Variants in MYO7B observed in about 807,000 individuals in gnomAD.
MYO7B encodes myosin VIIB.
Under a neutral mutation model 259.7 loss-of-function variants are expected in MYO7B, and 212 were observed. The ratio of observed to expected loss-of-function variants is 0.82; its 90% CI spans 0.73 to 0.91. The LOEUF (loss-of-function observed/expected upper bound fraction) is 0.91, where lower values mean the gene tolerates loss of function less well. MYO7B is among the 40% of genes least tolerant of loss of function. MYO7B has a pLI of 0.00. For missense variants in MYO7B, 2,732 were observed against 2,813.5 expected, an observed-to-expected ratio of 0.97 and a Z score of 0.66; for synonymous variants, 1,197 against 1,166.4, an observed-to-expected ratio of 1.03 and a Z score of -0.54.
At chr2:127,573,731 C>T (rs183207545) in intron 6 of MYO7B, among the ~76,000 whole-genome samples, 189 bp from the exon 7 acceptor site, 3 of 152,330 alleles carry the variant, frequency 2.0e-5, no homozygotes, top group East Asian at 3.9e-4. Context: ...TTCTGACCTC[C>T]GAGGTTTTCC....
Position 127,627,566 on chromosome 2 carries a change from C to T in MYO7B, c.4460+256C>T, listed in dbSNP as rs914060059. ...GCTTCTCTTTGAAACCCAGGTCCAC[C>T]CGGAAGGGGCAGGGAAGCGTGCAGC... On this transcript the variant is annotated intron_variant, in intron 33 of 47. Coordinates refer to ENST00000409816, the MANE Select transcript of MYO7B (RefSeq NM_001393586.1). The surrounding 1 kb of genome is among the most constrained non-coding windows in gnomAD (Gnocchi z 5.6). 2.8e-5 allele frequency: 17 copies of T among 606,226 alleles called. No individual in the cohort carries two copies. The highest frequency in any genetic ancestry group is 4.9e-5 in the Non-Finnish European group (16 of 325,744). 37.6% of individuals were successfully genotyped at this position (606,226 alleles called of 1,614,324 possible).
At chr2:127,634,325 A>G (rs1311839578) in intron 41 of MYO7B, 36 bp downstream of exon 41, 2 of 1,470,324 alleles carry the variant, frequency 1.4e-6, no homozygotes, top group African/African-American at 1.4e-5. Flanking sequence ...CGGTGGGCGG[A>G]CGGGCAGTGA....
chr2:127,555,552 T>C (rs1693605431), intron 1 of MYO7B, among the ~76,000 whole-genome samples: 1 of 152,222 alleles, frequency 6.6e-6, no homozygotes, highest in Admixed American at 6.5e-5. Context: ...ACTTTCCTCT[T>C]AGCATTGCCT....
Position 127,636,744 on chromosome 2 carries a change from A to C in MYO7B, c.6208-50A>C. ...CTCTCTCCTGTCCCCTAACACACAC[A>C]GAGCCCGTGCTCTGGAGGCGTCCGG... On this transcript the variant is annotated intron_variant, in intron 46 of 47. Transcript: ENST00000409816. This position sits in a 1 kb window ranked among gnomAD's most constrained non-coding sequence, Gnocchi z 4.5. 1.2e-6 allele frequency: 2 copies of C among 1,612,084 alleles called. No homozygotes were observed. Among genetic ancestry groups the C allele is most frequent in the Non-Finnish European group, 1.7e-6 (2 of 1,179,140 alleles).
Position 127,608,859 on chromosome 2 carries a change from A to G in MYO7B, c.2795A>G (p.Gln932Arg), listed in dbSNP as rs1680264616. Reference protein sequence around the residue: ...LPAMIGGQEGQASPHFEDLES... With the variant: ...LPAMIGGQEGRASPHFEDLES... ...GCCATGATTGGGGGCCAGGAGGGCC[A>G]GGCCTCGCCGCACTTTGAGGTAACA... is the stretch of plus-strand genomic sequence containing the variant. The change falls in exon 22 of 48, where the codon CAG (glutamine) becomes CGG (arginine). Residue 932 changes from glutamine (Q) to arginine (R), a missense_variant. Physicochemically the swap from Gln to Arg is conservative, Grantham distance 43 (BLOSUM62 1). Around this residue, in one of 3 missense-constraint regions of MYO7B, gnomAD observed 1,906 missense variants for 2,026.4 expected, o/e 0.94. Transcript: ENST00000409816. 3 of 1,612,532 alleles carry G rather than the reference A, an allele frequency of 1.9e-6. No homozygotes were observed. The highest frequency in any genetic ancestry group is 2.7e-5 in the African/African-American group (2 of 74,830).
Position 127,588,560 on chromosome 2 carries a change from G to A in MYO7B, c.1854+5G>A. Reference sequence around the variant, plus strand: ...GCAGGAAACCATCTCTTCAAGGTGGGCTCCCAGGCACCCTCCTGGGTCTGT... The same window carrying A: ...GCAGGAAACCATCTCTTCAAGGTGGACTCCCAGGCACCCTCCTGGGTCTGT... On this transcript the variant is annotated splice_donor_5th_base_variant and intron_variant, in intron 15 of 47. Transcript: ENST00000409816. The A allele has an allele frequency of 6.2e-7, 1 of 1,612,832 alleles. No homozygotes were observed. Among genetic ancestry groups the A allele is most frequent in the Non-Finnish European group, 8.5e-7 (1 of 1,179,806 alleles).
intron 19 of MYO7B, among the ~76,000 whole-genome samples, chr2:127,598,656 G>A (rs573258971): frequency 1.1e-4 from 16 of 152,208 alleles, no homozygotes; most frequent in African/African-American, 2.9e-4. Flanking sequence ...AACTCTTTTC[G>A]TCAAGATTTT....
In MYO7B at chr2:127,635,148, G is replaced by A. The variant is rs201036915; in HGVS notation, c.5742G>A (p.Val1914=). Residue 1914 remains valine, a synonymous_variant, in exon 43 of 48, where the codon GTG becomes GTA. Transcript: ENST00000409816. ...EGAPVTLPYQ[V]YFMRKLWLNI... is the part of the protein sequence containing the mutation. ...CCCCCGTGACGCTCCCCTACCAGGT[G>A]TACTTCATGCGGAAATTGTGGCTCA... 3.5e-5 allele frequency: 57 copies of A among 1,613,452 alleles called. No homozygotes were observed. The highest frequency in any genetic ancestry group is 3.7e-5 in the Non-Finnish European group (44 of 1,179,718).
intron 30 of MYO7B, 129 bp from the exon 31 acceptor site, chr2:127,625,239 T>G: frequency 8.9e-7 from 1 of 1,125,174 alleles, no homozygotes; most frequent in Non-Finnish European, 1.2e-6. Context: ...AGGGGGAAGG[T>G]CCTGCCCGAG....
rs1052471756 is a variant in MYO7B at position 127,593,764 on chromosome 2, C to T, written c.2244+120C>T. ...CTGAGCCAATGACACTGGGCAGCAG[C>T]TCAAAGTGTGGTCCCCACCCTCAGG... On this transcript the variant is annotated intron_variant, in intron 18 of 47. Coordinates refer to ENST00000409816, the MANE Select transcript of MYO7B (RefSeq NM_001393586.1). 5.6e-6 allele frequency: 5 copies of T among 896,532 alleles called. 1 individual carries two copies. In the African/African-American group the frequency reaches 6.6e-5, roughly 12 times the overall value. The allele number at this position is 896,532 out of a possible 1,614,324, so 55.5% of individuals were successfully genotyped here.
rs564046162 is a variant in MYO7B at position 127,539,891 on chromosome 2, T to G, written c.-24+4060T>G. ...GTATCGTTCTTACGCCTTTGCAGCC[T>G]CATAGCTTAGCTCCCATTTATAAGT... On this transcript the variant is annotated intron_variant, in intron 1 of 47. Transcript: ENST00000409816. The surrounding 1 kb of genome is among the most constrained non-coding windows in gnomAD (Gnocchi z 4.0). Among the ~76,000 whole-genome samples, 1 of 152,238 alleles carries G rather than the reference T, an allele frequency of 6.6e-6. No homozygotes were observed. Among genetic ancestry groups the G allele is most frequent in the Admixed American group, 6.5e-5 (1 of 15,286 alleles).
chr2:127,584,880 C>T lies in MYO7B; in HGVS notation c.1657C>T (p.His553Tyr). The T allele has an allele frequency of 1.9e-6, 3 of 1,613,948 alleles. No individual in the cohort carries two copies. Among genetic ancestry groups the T allele is most frequent in the Non-Finnish European group, 2.5e-6 (3 of 1,179,890 alleles). ...CCACGATGCCAGATTTGGCATTGCC[C>T]ATTTTGCCGGCGAGGTGTACTACCA... ...NIHDARFGIA[H>Y]FAGEVYYQAE... The change falls in exon 14 of 48, where the codon CAT becomes TAT. Residue 553 changes from histidine to tyrosine, a missense_variant. By Grantham distance (83) the His-to-Tyr change is moderately conservative. This residue lies in a region of MYO7B where 1,906 missense variants were observed against 2,026.4 expected (regional missense o/e 0.94). Transcript: ENST00000409816. The surrounding 1 kb of genome is among the most constrained non-coding windows in gnomAD (Gnocchi z 5.8).
chr2:127,592,223 G>A (rs1183886651), intron 16 of MYO7B, among the ~76,000 whole-genome samples: 2 of 152,068 alleles, frequency 1.3e-5, no homozygotes, highest in Non-Finnish European at 2.9e-5. Context: ...GTGAAACTCC[G>A]TCTTTAACTA....
Position 127,597,102 on chromosome 2 carries a change from G to GGCAGGGA in MYO7B, c.2339+556_2339+562dup, listed in dbSNP as rs1167735396. 6.6e-6 allele frequency among the ~76,000 whole-genome samples: 1 copy of GGCAGGGA among 152,218 alleles called. No individual in the cohort carries two copies. Among genetic ancestry groups the GGCAGGGA allele is most frequent in the Non-Finnish European group, 1.5e-5 (1 of 68,044 alleles). On this transcript the variant is annotated intron_variant, in intron 19 of 47. Coordinates refer to ENST00000409816, the MANE Select transcript of MYO7B (RefSeq NM_001393586.1). The surrounding 1 kb of genome is among the most constrained non-coding windows in gnomAD (Gnocchi z 4.8). ...TAGAGAATGAGGGGACAGAGAGCAGGGCAGGGAGCAGGGAGCTAGGGCCCA... is the reference window on the plus strand; with the variant it reads ...TAGAGAATGAGGGGACAGAGAGCAGGGCAGGGAGCAGGGAGCAGGGAGCTAGGGCCCA...
chr2:127,610,391 C>A, intron 24 of MYO7B, among the ~76,000 whole-genome samples: 1 of 152,182 alleles, frequency 6.6e-6, no homozygotes, highest in East Asian at 1.9e-4. Flanking sequence ...GGTGGGCCAA[C>A]CCTACAAGGT....
At chr2:127,601,683 A>G (rs991410120) in intron 19 of MYO7B, among the ~76,000 whole-genome samples, 4 of 152,086 alleles carry the variant, frequency 2.6e-5, no homozygotes, top group Non-Finnish European at 4.4e-5. Flanking sequence ...GCCTACCTAT[A>G]TAACTATATG....
intron 31 of MYO7B, chr2:127,626,376 A>G (rs1681113666): frequency 6.5e-6 from 1 of 153,164 alleles, no homozygotes; most frequent in African/African-American, 2.4e-5. Context: ...TGGGGCACAC[A>G]GACAGCGCCT....
chr2:127,593,700 A>C lies in MYO7B; in HGVS notation c.2244+56A>C, dbSNP rs552695206. On this transcript the variant is annotated intron_variant, in intron 18 of 47. Transcript: ENST00000409816. ...GCCTCCTGCAGCATGTGGGCTTGTC[A>C]GCTCTTGCACCAGGCCCGGGGTCCA... 529 of 1,522,032 alleles carry C rather than the reference A, an allele frequency of 3.5e-4. No homozygotes were observed. In the African/African-American group the frequency reaches 6.5e-3, roughly 19 times the overall value. 94.3% of individuals were successfully genotyped at this position (1,522,032 alleles called of 1,614,324 possible).
chr2:127,635,959 C>A, intron 44 of MYO7B, 52 bp downstream of exon 44: 1 of 1,529,934 alleles, frequency 6.5e-7, no homozygotes, highest in Non-Finnish European at 8.8e-7. Context: ...CTCCCTGGGC[C>A]CCTGCACCAG....
Sources: allele counts gnomAD v4.1 joint callset (sites outside exome capture counted in the v4.1 genomes callset), GRCh38; gene constraint gnomAD v4.1.1; regional missense constraint gnomAD v4.1.1; non-coding constraint Gnocchi (gnomAD v3.1); transcripts MANE v1.5; gene names NCBI Gene and HGNC (gene_info 2026-07-23, HGNC 2026-07-21).